Variants in CPE observed in about 807,000 individuals in gnomAD.
CPE encodes carboxypeptidase E, also known as carbocypeptidase E.
A neutral mutation model predicts 53.5 loss-of-function variants in CPE; 17 were observed. The ratio of observed to expected loss-of-function variants is 0.32; its 90% confidence interval spans 0.22 to 0.48. CPE has a LOEUF of 0.48. CPE is among the 20% of genes least tolerant of loss of function. The pLI is 0.99. For synonymous variants in CPE, 226 were observed against 228.8 expected, an observed-to-expected ratio of 0.99 and a Z score of 0.11; for missense variants, 524 against 614.7, an observed-to-expected ratio of 0.85 and a Z score of 1.56.
chr4:165,414,849 T>C (rs1388665222), intron 1 of CPE, among the ~76,000 whole-genome samples: 1 of 152,096 alleles, frequency 6.6e-6, no homozygotes, highest in Non-Finnish European at 1.5e-5. Context: ...GGACAGCTGG[T>C]TATTGTCTTA....
chr4:165,386,735 G>A (rs1245495948), intron 1 of CPE, among the ~76,000 whole-genome samples: 1 of 152,158 alleles, frequency 6.6e-6, no homozygotes, highest in Non-Finnish European at 1.5e-5. Flanking sequence ...TGCTTTTTAA[G>A]TGTTAAATAA....
rs1349935019 is a variant in CPE, at chr4:165,493,254, C to T, written c.1197C>T (p.Asp399=). The part of the protein sequence containing the change: ...ANATISVEGI[D]HDVTSAKDGD... ...CCACCATCTCCGTGGAAGGAATAGA[C>T]CACGATGTTACATCCGGTGGGTCTT... The change falls in exon 7 of 9, where the codon GAC becomes GAT. Residue 399 remains aspartate (D), a synonymous_variant. Coordinates refer to ENST00000402744, the MANE Select transcript of CPE (RefSeq NM_001873.4). The T allele has an allele frequency of 2.5e-6, 4 of 1,613,536 alleles. No individual in the cohort carries two copies. The African/African-American group carries it at 5.3e-5, about 22-fold the overall frequency.
intron 1 of CPE, among the ~76,000 whole-genome samples, chr4:165,451,929 CCGTTTTTTTTTT>C (rs1332515427): frequency 6.6e-6 from 1 of 151,846 alleles, no homozygotes; most frequent in Non-Finnish European, 1.5e-5. Flanking sequence ...CCCCCAACCC[CCGTTTTTTTTTT>C]CGTTTTTTTT....
intron 6 of CPE, among the ~76,000 whole-genome samples, chr4:165,488,849 T>TAA (rs34280127): frequency 4.1e-5 from 6 of 146,798 alleles, no homozygotes; most frequent in East Asian, 2.0e-4. Flanking sequence ...AAGGCTGCTC[T>TAA]AAAAAAAAAA....
chr4:165,471,055 A>G (rs955808341), intron 3 of CPE, among the ~76,000 whole-genome samples: 54 of 152,232 alleles, frequency 3.5e-4, no homozygotes, highest in African/African-American at 1.2e-3. Context: ...GCAAGAGGAG[A>G]CGAATTAGTT....
chr4:165,423,991 A>T (rs1731273938), intron 1 of CPE, among the ~76,000 whole-genome samples: 2 of 152,128 alleles, frequency 1.3e-5, no homozygotes, highest in Non-Finnish European at 2.9e-5. Context: ...TTTTAAAAAA[A>T]TCCCTACTGT....
chr4:165,473,665 C>A (rs1483559522), intron 3 of CPE, among the ~76,000 whole-genome samples: 1 of 152,214 alleles, frequency 6.6e-6, no homozygotes, highest in African/African-American at 2.4e-5. Context: ...AAATATTAAT[C>A]AGGCACCCAT....
chr4:165,482,459 T>C, intron 4 of CPE, 100 bp downstream of exon 4: 1 of 799,218 alleles, frequency 1.3e-6, no homozygotes, highest in South Asian at 1.8e-5. Context: ...AACTGAACAT[T>C]AAGTGATTTT....
chr4:165,440,449 A>ACCCCC (rs1271387132), intron 1 of CPE, among the ~76,000 whole-genome samples: 1 of 132,824 alleles, frequency 7.5e-6, no homozygotes, highest in African/African-American at 3.3e-5. Context: ...TGCTCTCACA[A>ACCCCC]CCCCACCCCC....
chr4:165,427,158 A>G (rs34843230), intron 1 of CPE, among the ~76,000 whole-genome samples: 44,864 of 151,862 alleles, frequency 0.3, 6,692 homozygotes, highest in Middle Eastern at 0.39. Context: ...AACCTTTCTT[A>G]TATGTGTGGC....
At position 165,379,457 on chromosome 4, in the gene CPE, T is replaced by C. The variant is rs779028434; in HGVS notation, c.236T>C (p.Val79Ala). ...ACCGCCATCAGCAGGATTTACACGG[T>C]GGGGCGCAGCTTCGAGGGCCGGGAG... The part of the protein sequence containing the change: ...QCTAISRIYT[V>A]GRSFEGRELL... The change falls in exon 1 of 9, where the codon GTG becomes GCG. Residue 79 changes from valine (V) to alanine (A), a missense_variant. By Grantham distance (64) the Val-to-Ala change is moderately conservative (BLOSUM62 0). Transcript: ENST00000402744. This position sits in a 1 kb window ranked among gnomAD's most constrained non-coding sequence, Gnocchi z 6.0. 2.5e-6 allele frequency: 4 copies of C among 1,607,210 alleles called. No homozygotes were observed. The South Asian group carries it at 4.4e-5, about 18-fold the overall frequency.
intron 1 of CPE, among the ~76,000 whole-genome samples, chr4:165,413,685 C>T (rs1363233279): frequency 6.6e-6 from 1 of 152,124 alleles, no homozygotes; most frequent in Non-Finnish European, 1.5e-5. Flanking sequence ...AATTAAGGGA[C>T]ATGCTAGGAG....
At chr4:165,439,408 T>C (rs1227420949) in intron 1 of CPE, among the ~76,000 whole-genome samples, 1 of 152,180 alleles carries the variant, frequency 6.6e-6, no homozygotes, top group Non-Finnish European at 1.5e-5. Context: ...TGTGTCTTTA[T>C]TGTTGGTCAT....
At chr4:165,423,340 C>T (rs4379020) in intron 1 of CPE, among the ~76,000 whole-genome samples, 44,934 of 151,880 alleles carry the variant, frequency 0.3, 6,729 homozygotes, top group Middle Eastern at 0.39. Flanking sequence ...CACACTATTT[C>T]ATAAATAAAC....
chr4:165,444,911 T>C (rs1485421729), intron 1 of CPE, among the ~76,000 whole-genome samples: 7 of 152,098 alleles, frequency 4.6e-5, no homozygotes, highest in Admixed American at 4.6e-4. Context: ...AAAATTATTT[T>C]AACTTCTTCC....
chr4:165,426,621 A>G (rs1442506887), intron 1 of CPE, among the ~76,000 whole-genome samples: 2 of 152,230 alleles, frequency 1.3e-5, no homozygotes, highest in East Asian at 3.8e-4. Context: ...TTTTAGAAGT[A>G]GGAAAAGGCA....
In CPE at chr4:165,381,298, G is replaced by C. The variant is rs77648072; in HGVS notation, c.307+1770G>C. ...TCTTTTAGATTGCAAGCTGTATGAA[G>C]TGGGGACCCTGATTCCAGCACCCAG... On this transcript the variant is annotated intron_variant, in intron 1 of 8. Transcript: ENST00000402744. 5.6e-3 allele frequency: 2,541 copies of C among 456,244 alleles called. 60 individuals are homozygous for C. Among genetic ancestry groups the C allele is most frequent in the African/African-American group, 0.045 (2,249 of 50,178 alleles). 28.3% of individuals were successfully genotyped at this position (456,244 alleles called of 1,614,324 possible).
chr4:165,479,986 C>T (rs1222295187), intron 3 of CPE, among the ~76,000 whole-genome samples: 14 of 136,490 alleles, frequency 1.0e-4, no homozygotes, highest in Admixed American at 5.3e-4. Context: ...AGTGAGACTC[C>T]GCCTCAAAAA....
chr4:165,439,323 G>A (rs539314357), intron 1 of CPE, among the ~76,000 whole-genome samples: 32 of 152,266 alleles, frequency 2.1e-4, no homozygotes, highest in Admixed American at 1.0e-3. Context: ...AAAAGATCAC[G>A]TGAAAGAGAA....
Sources: allele counts gnomAD v4.1 joint callset (sites outside exome capture counted in the v4.1 genomes callset), GRCh38; gene constraint gnomAD v4.1.1; non-coding constraint Gnocchi (gnomAD v3.1); transcripts MANE v1.5; gene names NCBI Gene and HGNC (gene_info 2026-07-23, HGNC 2026-07-21).